RAPGEF2: variants seen among roughly 807,000 people sequenced by gnomAD.
The protein encoded by RAPGEF2 is Rap guanine nucleotide exchange factor 2.
RAPGEF2 carries 54 observed loss-of-function variants against 186.7 expected under a neutral mutation model. The ratio of observed to expected loss-of-function variants is 0.29; its 90% CI spans 0.23 to 0.36. The LOEUF (loss-of-function observed/expected upper bound fraction) is 0.36, where lower values mean the gene tolerates loss of function less well. Ranked by LOEUF, RAPGEF2 falls within the 10% of genes least tolerant of loss-of-function variation. The pLI is 1.00. For missense variants in RAPGEF2, 1,532 were observed against 2,045.0 expected, an observed-to-expected ratio of 0.75 and a Z score of 4.84; for synonymous variants, 712 against 705.9, an observed-to-expected ratio of 1.01 and a Z score of -0.14.
chr4:159,164,975 A>G (rs1274935957), intron 1 of RAPGEF2, among the ~76,000 whole-genome samples: 1 of 152,234 alleles, frequency 6.6e-6, no homozygotes, highest in African/African-American at 2.4e-5. Flanking sequence ...AATCTTTAAC[A>G]TACTGTTGAA....
intron 3 of RAPGEF2, among the ~76,000 whole-genome samples, chr4:159,196,188 T>C (rs1261718932): frequency 6.6e-6 from 1 of 152,222 alleles, no homozygotes; most frequent in Non-Finnish European, 1.5e-5. Context: ...TGAAATGTAG[T>C]TGAATTGTTT....
intron 7 of RAPGEF2, among the ~76,000 whole-genome samples, chr4:159,259,476 CTA>C (rs1357352404): frequency 1.3e-5 from 2 of 152,150 alleles, no homozygotes; most frequent in African/African-American, 4.8e-5. Context: ...TAAAGCACAG[CTA>C]TCTTTTTTTC....
intron 1 of RAPGEF2, among the ~76,000 whole-genome samples, chr4:159,156,130 A>G (rs1033483104): frequency 2.6e-5 from 4 of 152,188 alleles, no homozygotes; most frequent in Non-Finnish European, 5.9e-5. Context: ...CAAATCTGTA[A>G]TCATCCTCTG....
At chr4:159,213,746 C>A (rs185767682) in intron 4 of RAPGEF2, among the ~76,000 whole-genome samples, 28 of 152,214 alleles carry the variant, frequency 1.8e-4, no homozygotes, top group African/African-American at 6.5e-4. Context: ...GTTGTTTGAA[C>A]ATGAGTATTG....
At chr4:159,213,992 T>C (rs1189690833) in intron 4 of RAPGEF2, among the ~76,000 whole-genome samples, 1 of 152,250 alleles carries the variant, frequency 6.6e-6, no homozygotes, top group African/African-American at 2.4e-5. Context: ...AGCTGAACTC[T>C]TATTTGATTT....
chr4:159,186,869 A>G (rs1284327978), intron 2 of RAPGEF2, among the ~76,000 whole-genome samples, 157 bp downstream of exon 2: 1 of 152,148 alleles, frequency 6.6e-6, no homozygotes, highest in Non-Finnish European at 1.5e-5. Context: ...TATACAATGT[A>G]TTGTGATCAA....
intron 1 of RAPGEF2, 64 bp downstream of exon 1, chr4:159,104,295 G>C (rs926607687): frequency 3.3e-6 from 3 of 907,340 alleles, no homozygotes; most frequent in African/African-American, 1.9e-5. Context: ...GTCTTCCCCT[G>C]TCCCCCCACC....
intron 26 of RAPGEF2, chr4:159,350,909 G>A: frequency 1.1e-6 from 1 of 917,766 alleles, no homozygotes. Flanking sequence ...AAAGCCAAAA[G>A]GGCTTAATAC....
intron 1 of RAPGEF2, among the ~76,000 whole-genome samples, chr4:159,104,532 G>C (rs867055358): frequency 8.4e-6 from 1 of 119,118 alleles, no homozygotes; most frequent in African/African-American, 3.6e-5. Flanking sequence ...GAGAGGGAGA[G>C]ACAGAGAGAG....
At chr4:159,297,100 T>C (rs972191462) in intron 7 of RAPGEF2, among the ~76,000 whole-genome samples, 1 of 152,172 alleles carries the variant, frequency 6.6e-6, no homozygotes, top group African/African-American at 2.4e-5. Context: ...TTCCACCACA[T>C]AAAGATATAT....
At chr4:159,197,764 C>G (rs1462673672) in intron 3 of RAPGEF2, among the ~76,000 whole-genome samples, 1 of 152,224 alleles carries the variant, frequency 6.6e-6, no homozygotes, top group African/African-American at 2.4e-5. Context: ...TGAGGCTGCT[C>G]AACCATCGCT....
At chr4:159,356,333 T>TC (rs1732007412) in intron 29 of RAPGEF2, among the ~76,000 whole-genome samples, 175 bp downstream of exon 29, 1 of 151,950 alleles carries the variant, frequency 6.6e-6, no homozygotes, top group Admixed American at 6.5e-5. Context: ...ACTGCTTTCT[T>TC]TTGTGTGTGT....
At chr4:159,172,739 C>T (rs1746043476) in intron 1 of RAPGEF2, among the ~76,000 whole-genome samples, 1 of 152,134 alleles carries the variant, frequency 6.6e-6, no homozygotes, top group Non-Finnish European at 1.5e-5. Context: ...GAATTCAAAA[C>T]ATGTATTGAA....
At chr4:159,158,803 T>C (rs2111212088) in intron 1 of RAPGEF2, among the ~76,000 whole-genome samples, 1 of 152,350 alleles carries the variant, frequency 6.6e-6, no homozygotes, top group African/African-American at 2.4e-5. Flanking sequence ...AGGTTGGACC[T>C]TGGAACCTGA....
intron 5 of RAPGEF2, among the ~76,000 whole-genome samples, chr4:159,240,233 G>T (rs72965989): frequency 2.2e-3 from 325 of 151,120 alleles, no homozygotes; most frequent in African/African-American, 7.6e-3. Context: ...GCTGGTGTGA[G>T]AACAGTTTTG....
intron 3 of RAPGEF2, among the ~76,000 whole-genome samples, chr4:159,197,914 G>A (rs1169893300): frequency 2.0e-5 from 3 of 152,104 alleles, no homozygotes; most frequent in Admixed American, 6.5e-5. Flanking sequence ...ATGTCATTTT[G>A]CCTGTATGAT....
At chr4:159,164,018 T>G (rs1183007597) in intron 1 of RAPGEF2, among the ~76,000 whole-genome samples, 2 of 152,134 alleles carry the variant, frequency 1.3e-5, no homozygotes, top group Non-Finnish European at 1.5e-5. Context: ...GTTTTTTTTT[T>G]TTTTGAGACG....
At chr4:159,110,559 C>G (rs2111060101) in intron 1 of RAPGEF2, among the ~76,000 whole-genome samples, 1 of 152,266 alleles carries the variant, frequency 6.6e-6, no homozygotes, top group East Asian at 1.9e-4. Context: ...GCCTGGGTAA[C>G]AAGAGCGAAA....
At chr4:159,121,602 C>T (rs1739688874) in intron 1 of RAPGEF2, among the ~76,000 whole-genome samples, 1 of 152,122 alleles carries the variant, frequency 6.6e-6, no homozygotes, top group South Asian at 2.1e-4. Context: ...CTGCTGGGCT[C>T]AAGCTGTGCT....
Sources: gnomAD v4.1 joint callset for allele counts (sites outside exome capture counted in the v4.1 genomes callset) on GRCh38, gnomAD v4.1.1 for gene constraint, MANE v1.5 for transcripts, NCBI Gene and HGNC (gene_info 2026-07-23, HGNC 2026-07-21) for gene names.